Variants in CCDC192 observed in about 807,000 individuals in gnomAD.
CCDC192 encodes the protein coiled-coil domain-containing protein 192.
chr5:127,901,992 C>T lies in CCDC192; in HGVS notation c.535+26331C>T, dbSNP rs569678991. Among the ~76,000 whole-genome samples, 14 of 152,242 alleles carry T rather than the reference C, an allele frequency of 9.2e-5. 1 individual carries two copies. The highest frequency in any genetic ancestry group is 8.5e-4 in the Admixed American group (13 of 15,280). On this transcript the variant is annotated intron_variant, in intron 6 of 6. Transcript: ENST00000514853. ...CTTTCTTCTAATAATAACCACAGGCCAGACATGGTGGCTCACGCCTGTAAT... is the reference window on the plus strand; with the variant it reads ...CTTTCTTCTAATAATAACCACAGGCTAGACATGGTGGCTCACGCCTGTAAT...
At chr5:127,873,811 G>T (rs1751957867) in intron 5 of CCDC192, among the ~76,000 whole-genome samples, 2 of 152,224 alleles carry the variant, frequency 1.3e-5, no homozygotes, top group African/African-American at 4.8e-5. Context: ...GCCTGGGATA[G>T]ATGAGATCCT....
intron 3 of CCDC192, among the ~76,000 whole-genome samples, chr5:127,756,341 A>C (rs1030799469): frequency 6.6e-6 from 1 of 152,176 alleles, no homozygotes; most frequent in Non-Finnish European, 1.5e-5. Context: ...TTATTACTCA[A>C]ATCAGTCTCC....
intron 5 of CCDC192, among the ~76,000 whole-genome samples, chr5:127,844,826 C>T (rs987001298): frequency 6.6e-6 from 1 of 152,236 alleles, no homozygotes; most frequent in Non-Finnish European, 1.5e-5. Flanking sequence ...ACACCGTCAG[C>T]AGGTGTCCCT....
At chr5:127,829,208 A>G (rs1337633378) in intron 5 of CCDC192, among the ~76,000 whole-genome samples, 4 of 152,170 alleles carry the variant, frequency 2.6e-5, no homozygotes, top group Non-Finnish European at 5.9e-5. Context: ...TTGATTTTGA[A>G]CACACTGCCT....
intron 5 of CCDC192, among the ~76,000 whole-genome samples, chr5:127,873,650 C>G (rs1751950681): frequency 6.6e-6 from 1 of 152,176 alleles, no homozygotes; most frequent in Non-Finnish European, 1.5e-5. Context: ...TCCACTTTCT[C>G]AATTTTCATT....
chr5:127,931,020 G>GACATAT (rs2127202416), intron 6 of CCDC192, among the ~76,000 whole-genome samples: 2 of 152,166 alleles, frequency 1.3e-5, no homozygotes, highest in East Asian at 3.9e-4. Context: ...AGTCTTCTTG[G>GACATAT]ACATATGTGC....
chr5:127,760,049 C>T (rs1482951303), intron 3 of CCDC192, among the ~76,000 whole-genome samples: 1 of 152,076 alleles, frequency 6.6e-6, no homozygotes, highest in Non-Finnish European at 1.5e-5. Context: ...TTTCATATAT[C>T]TTCTGGGTAC....
rs557355461 is a variant in CCDC192, at chr5:127,751,907, C to T, written c.115-2361C>T. Among the ~76,000 whole-genome samples the T allele has an allele frequency of 4.9e-3, 753 of 152,172 alleles. 5 individuals are homozygous for T. The highest frequency in any genetic ancestry group is 0.017 in the African/African-American group (723 of 41,502). ...TACCCTTTCTTCCAGTTGATCGCAT[C>T]GGCTCCTGAGGCTTCTGCATTCTTC... is the stretch of plus-strand genomic sequence containing the variant. On this transcript the variant is annotated intron_variant, in intron 2 of 6. Coordinates refer to ENST00000514853, the MANE Select transcript of CCDC192 (RefSeq NM_001317938.2).
At chr5:127,792,964 A>G (rs921082822) in intron 3 of CCDC192, among the ~76,000 whole-genome samples, 3 of 152,182 alleles carry the variant, frequency 2.0e-5, no homozygotes, top group African/African-American at 7.2e-5. Flanking sequence ...ACCAAACTTG[A>G]AAATAGATGT....
At chr5:127,781,901 C>T (rs931077709) in intron 3 of CCDC192, among the ~76,000 whole-genome samples, 7 of 152,120 alleles carry the variant, frequency 4.6e-5, no homozygotes, top group African/African-American at 1.7e-4. Context: ...GAATGGGCAT[C>T]CTTATCTAGT....
At chr5:127,816,236 G>C (rs930170079) in intron 5 of CCDC192, among the ~76,000 whole-genome samples, 2 of 152,076 alleles carry the variant, frequency 1.3e-5, no homozygotes, top group African/African-American at 4.8e-5. Flanking sequence ...CATTACAAAG[G>C]GTTCAAATTG....
chr5:127,939,588 C>T (rs1754311348), intron 6 of CCDC192, among the ~76,000 whole-genome samples: 1 of 152,074 alleles, frequency 6.6e-6, no homozygotes, highest in African/African-American at 2.4e-5. Flanking sequence ...AACACCCTGC[C>T]CACTGTGCAA....
chr5:127,885,025 A>G (rs749104360), intron 6 of CCDC192, among the ~76,000 whole-genome samples: 10 of 152,124 alleles, frequency 6.6e-5, no homozygotes, highest in Non-Finnish European at 1.5e-4. Flanking sequence ...TCCTTTGTTT[A>G]TAAGACTAAT....
intron 5 of CCDC192, among the ~76,000 whole-genome samples, chr5:127,837,647 C>A (rs573683813): frequency 1.3e-5 from 2 of 152,296 alleles, no homozygotes; most frequent in South Asian, 4.1e-4. Flanking sequence ...AAATTGGCAC[C>A]ATTTGTCTCC....
At chr5:127,778,154 G>A (rs1022819398) in intron 3 of CCDC192, among the ~76,000 whole-genome samples, 11 of 152,118 alleles carry the variant, frequency 7.2e-5, no homozygotes, top group Non-Finnish European at 1.6e-4. Flanking sequence ...TCAGTACAAG[G>A]TTGAGTAACA....
Position 127,916,099 on chromosome 5 carries a change from C to A in CCDC192, c.536-25083C>A, listed in dbSNP as rs1350545564. Reference sequence around the variant, plus strand: ...ACTAAGCTTATGAAATATTCTAAATCATTTGTTGTTATTTCAACAAGGTTC... The same window carrying A: ...ACTAAGCTTATGAAATATTCTAAATAATTTGTTGTTATTTCAACAAGGTTC... On this transcript the variant is annotated intron_variant, in intron 6 of 6. Coordinates refer to ENST00000514853, the MANE Select transcript of CCDC192 (RefSeq NM_001317938.2). Among the ~76,000 whole-genome samples, 4 of 152,182 alleles carry A rather than the reference C, an allele frequency of 2.6e-5. No individual in the cohort carries two copies. In the East Asian group the frequency reaches 5.8e-4, roughly 22 times the overall value.
intron 6 of CCDC192, among the ~76,000 whole-genome samples, chr5:127,912,419 C>CAAAAAA (rs60854127): frequency 0.014 from 1,131 of 81,378 alleles, 115 homozygotes; most frequent in African/African-American, 0.054. Flanking sequence ...CTGGGTTTAG[C>CAAAAAA]AAAAAAAAAA....
intron 3 of CCDC192, among the ~76,000 whole-genome samples, chr5:127,761,129 C>T (rs1459606643): frequency 1.3e-5 from 2 of 152,212 alleles, no homozygotes; most frequent in Non-Finnish European, 2.9e-5. Flanking sequence ...GCATTTGTGG[C>T]TTTGCACGCT....
chr5:127,711,986 A>T (rs1256290579), intron 2 of CCDC192, among the ~76,000 whole-genome samples: 1 of 152,110 alleles, frequency 6.6e-6, no homozygotes, highest in Non-Finnish European at 1.5e-5. Context: ...TAATGTGCCT[A>T]TCTACCACCC....
Sources: allele counts gnomAD v4.1 joint callset (sites outside exome capture counted in the v4.1 genomes callset), GRCh38; gene constraint gnomAD v4.1.1; transcripts MANE v1.5; gene names NCBI Gene and HGNC (gene_info 2026-07-23, HGNC 2026-07-21).